The following DDX60L variants were observed in gnomAD, a reference collection of about 807,000 sequenced individuals.
DDX60L encodes probable ATP-dependent RNA helicase DDX60-like.
Under a neutral mutation model 211.6 loss-of-function variants are expected in DDX60L, and 191 were observed. The observed-to-expected ratio is 0.90, with a 90% CI of 0.80 to 1.02. The LOEUF (loss-of-function observed/expected upper bound fraction) is 1.02, where lower values mean the gene tolerates loss of function less well. Ranked by LOEUF, DDX60L falls within the 50% of genes least tolerant of loss-of-function variation. The probability of loss-of-function intolerance (pLI) is 0.00; values close to 1 mark genes in which losing one functional copy is unlikely to be tolerated. For missense variants in DDX60L, 2,007 were observed against 1,984.1 expected (o/e 1.01, Z -0.22); for synonymous variants, 706 against 694.1 (o/e 1.02, Z -0.27).
intron 10 of DDX60L, among the ~76,000 whole-genome samples, chr4:168,434,945 T>C (rs1476677831): frequency 6.6e-6 from 1 of 152,188 alleles, no homozygotes; most frequent in Non-Finnish European, 1.5e-5. Flanking sequence ...CTGTTCATCT[T>C]TCTTCAGTCT....
chr4:168,390,608 A>G (rs1190346864), intron 29 of DDX60L: 4 of 836,254 alleles, frequency 4.8e-6, no homozygotes, highest in Admixed American at 3.3e-5. Context: ...TTTATCTTTT[A>G]TATTTCGAGA....
intron 26 of DDX60L, among the ~76,000 whole-genome samples, chr4:168,399,422 AG>A (rs750590029): frequency 1.8e-4 from 28 of 152,180 alleles, no homozygotes; most frequent in Non-Finnish European, 3.4e-4. Context: ...CCAGCCTCAC[AG>A]GAAGCTGGTG....
At chr4:168,419,244 C>G in intron 19 of DDX60L, 58 bp downstream of exon 19, 1 of 1,199,054 alleles carries the variant, frequency 8.3e-7, no homozygotes, top group Non-Finnish European at 1.1e-6. Flanking sequence ...CTTTAAATTA[C>G]AAATTATAGG....
At chr4:168,448,861 C>A in intron 8 of DDX60L, 82 bp from the exon 9 acceptor site, 1 of 1,253,640 alleles carries the variant, frequency 8.0e-7, no homozygotes, top group South Asian at 1.5e-5. Flanking sequence ...TAAGGTAGGT[C>A]ACAAGGGACA....
intron 8 of DDX60L, among the ~76,000 whole-genome samples, chr4:168,448,996 C>G (rs1309147807): frequency 6.6e-6 from 1 of 152,124 alleles, no homozygotes; most frequent in African/African-American, 2.4e-5. Flanking sequence ...TATCCTAGTA[C>G]TCATTATTTA....
intron 23 of DDX60L, 94 bp from the exon 24 acceptor site, chr4:168,406,172 C>G: frequency 7.6e-7 from 1 of 1,308,776 alleles, no homozygotes. Context: ...GTCTCCTTAA[C>G]AAAATTGCAA....
chr4:168,397,916 C>T (rs1746101567), intron 26 of DDX60L, among the ~76,000 whole-genome samples: 1 of 152,172 alleles, frequency 6.6e-6, no homozygotes, highest in Non-Finnish European at 1.5e-5. Context: ...CAGCTGCAGA[C>T]CCAGGCATCC....
At chr4:168,450,818 G>A (rs903803792) in intron 8 of DDX60L, among the ~76,000 whole-genome samples, 1 of 152,070 alleles carries the variant, frequency 6.6e-6, no homozygotes, top group East Asian at 1.9e-4. Context: ...GAGGTGGGAG[G>A]ATCACTTGAG....
chr4:168,410,165 G>T (rs924019858), intron 22 of DDX60L, among the ~76,000 whole-genome samples: 1 of 152,006 alleles, frequency 6.6e-6, no homozygotes, highest in African/African-American at 2.4e-5. Flanking sequence ...TATAACAGCA[G>T]GCTAAACATA....
At chr4:168,363,459 C>T (rs569126560) in intron 36 of DDX60L, among the ~76,000 whole-genome samples, 5 of 152,166 alleles carry the variant, frequency 3.3e-5, no homozygotes, top group African/African-American at 4.8e-5. Flanking sequence ...TTCTCTAGTC[C>T]GAAAGCTTTA....
chr4:168,429,462 T>C (rs10005209), intron 13 of DDX60L, among the ~76,000 whole-genome samples: 124,294 of 152,208 alleles, frequency 0.82, 51,647 homozygotes, highest in East Asian at 0.99. Context: ...CAAACATTTC[T>C]TTTAACTTAA....
chr4:168,379,529 A>T (rs1742556412), intron 31 of DDX60L, 25 bp from the exon 32 acceptor site: 3 of 1,508,348 alleles, frequency 2.0e-6, no homozygotes, highest in Non-Finnish European at 2.7e-6. Context: ...CAAAAAGTTG[A>T]TTTAACTTGT....
intron 37 of DDX60L, among the ~76,000 whole-genome samples, chr4:168,360,538 G>A (rs1205200565): frequency 6.6e-6 from 1 of 152,180 alleles, no homozygotes; most frequent in Non-Finnish European, 1.5e-5. Context: ...GAATTTACGT[G>A]AAAAACCACA....
At chr4:168,443,123 C>T (rs1754203876) in intron 9 of DDX60L, among the ~76,000 whole-genome samples, 1 of 151,294 alleles carries the variant, frequency 6.6e-6, no homozygotes. Context: ...AAGTTGAAAA[C>T]TTTGAAAAAA....
intron 22 of DDX60L, among the ~76,000 whole-genome samples, chr4:168,414,094 G>A (rs996028448): frequency 6.6e-6 from 1 of 151,876 alleles, no homozygotes; most frequent in Non-Finnish European, 1.5e-5. Context: ...AAGGGCTGAA[G>A]GAAAAAATCT....
chr4:168,359,822 C>T (rs1438996701), intron 37 of DDX60L, among the ~76,000 whole-genome samples: 1 of 152,130 alleles, frequency 6.6e-6, no homozygotes, highest in Non-Finnish European at 1.5e-5. Context: ...TTCCCCAGTC[C>T]CTGTCACAAC....
Position 168,394,613 on chromosome 4 carries a change from A to G in DDX60L, c.3662T>C (p.Leu1221Ser), listed in dbSNP as rs1276232338. The change falls in exon 28 of 38, where the codon TTG (leucine) becomes TCG (serine). Residue 1221 changes from leucine (L) to serine (S), a missense_variant. Leu to Ser is a moderately radical substitution (Grantham distance 145, BLOSUM62 -2). Transcript: ENST00000682922. ...TCGCACTCGCGGTAATACCCTCTCC[A>G]AAGTCTAAAACAAGAAAGAAGTGTA... The part of the protein sequence containing the change: ...TEITRNKDST[L>S]ERVLPRVRFT... 1 of 1,590,604 alleles carries G rather than the reference A, an allele frequency of 6.3e-7. No homozygotes were observed. Among genetic ancestry groups the G allele is most frequent in the African/African-American group, 1.4e-5 (1 of 73,500 alleles).
intron 10 of DDX60L, among the ~76,000 whole-genome samples, chr4:168,436,788 A>G (rs1353706896): frequency 1.3e-5 from 2 of 152,172 alleles, no homozygotes; most frequent in Admixed American, 1.3e-4. Context: ...AGTTCCAAAG[A>G]GAGGAATGTT....
intron 7 of DDX60L, among the ~76,000 whole-genome samples, chr4:168,455,328 T>G (rs1363544600): frequency 7.0e-6 from 1 of 143,478 alleles, no homozygotes; most frequent in Admixed American, 6.8e-5. Context: ...ATGCATATAG[T>G]AGAGCGGAAA....
Sources: gnomAD v4.1 joint callset for allele counts (sites outside exome capture counted in the v4.1 genomes callset) on GRCh38, gnomAD v4.1.1 for gene constraint, MANE v1.5 for transcripts, NCBI Gene and HGNC (gene_info 2026-07-23, HGNC 2026-07-21) for gene names.